Variants in SMYD3 observed in about 807,000 individuals in gnomAD.
SMYD3 encodes SET and MYND domain containing 3, also known as histone-lysine N-methyltransferase SMYD3.
SMYD3 carries 36 observed loss-of-function variants against 57.7 expected under a neutral mutation model. The observed-to-expected ratio is 0.62, with a 90% confidence interval of 0.48 to 0.82. The LOEUF is 0.82. Ranked by LOEUF, SMYD3 falls within the 40% of genes least tolerant of loss-of-function variation. The probability of loss-of-function intolerance (pLI) is 0.00; values close to 1 mark genes in which losing one functional copy is unlikely to be tolerated. For synonymous variants in SMYD3, 211 were observed against 195.0 expected (o/e 1.08, Z -0.68); for missense variants, 515 against 538.8 (o/e 0.96, Z 0.44).
intron 1 of SMYD3, among the ~76,000 whole-genome samples, chr1:246,477,624 T>C (rs930178530): frequency 1.3e-5 from 2 of 152,236 alleles, no homozygotes; most frequent in African/African-American, 4.8e-5. Context: ...AATTACATAG[T>C]TACAGCAATA....
intron 10 of SMYD3, among the ~76,000 whole-genome samples, chr1:245,820,716 T>G (rs1404619871): frequency 6.6e-6 from 1 of 151,828 alleles, no homozygotes; most frequent in African/African-American, 2.4e-5. Flanking sequence ...ACAAAATCAA[T>G]GTACAAAAAT....
intron 10 of SMYD3, chr1:245,789,059 A>G (rs1345957839): frequency 6.6e-6 from 1 of 152,232 alleles, no homozygotes; most frequent in African/African-American, 2.4e-5. Flanking sequence ...GGTGAAGTCA[A>G]GAACTCCTCT....
At chr1:246,140,753 T>C (rs2061740534) in intron 5 of SMYD3, among the ~76,000 whole-genome samples, 1 of 152,076 alleles carries the variant, frequency 6.6e-6, no homozygotes, top group South Asian at 2.1e-4. Flanking sequence ...GTAGGGACTA[T>C]AAGCACATGC....
chr1:246,218,493 C>T (rs894647133), intron 5 of SMYD3, among the ~76,000 whole-genome samples: 2 of 151,964 alleles, frequency 1.3e-5, no homozygotes, highest in South Asian at 2.1e-4. Flanking sequence ...GGGTGGCGGG[C>T]GGCTGTAGTC....
intron 1 of SMYD3, among the ~76,000 whole-genome samples, chr1:246,468,644 A>G (rs1446863838): frequency 5.9e-5 from 9 of 152,084 alleles, no homozygotes; most frequent in Admixed American, 3.9e-4. Flanking sequence ...CTGTCTCCAA[A>G]AAAAGGAAAA....
chr1:245,862,394 A>C (rs1269351096), intron 9 of SMYD3, among the ~76,000 whole-genome samples: 1 of 152,178 alleles, frequency 6.6e-6, no homozygotes, highest in Non-Finnish European at 1.5e-5. Flanking sequence ...ATGCATATTT[A>C]CATATTTGAA....
chr1:246,472,969 T>C lies in SMYD3; in HGVS notation c.164+34085A>G, dbSNP rs1002220198. Among the ~76,000 whole-genome samples, 3 of 150,148 alleles carry C rather than the reference T, an allele frequency of 2.0e-5. No individual in the cohort carries two copies. The East Asian group carries it at 5.9e-4, about 30-fold the overall frequency. On this transcript the variant is annotated intron_variant, in intron 1 of 11. Transcript: ENST00000490107. ...GCCTCCCGGGTTCAAGTGATTCTCC[T>C]GCTCAGCCTCCCAAGTAGCTGGGAT... is the stretch of plus-strand genomic sequence containing the variant.
At chr1:245,804,450 C>T (rs528628011) in intron 10 of SMYD3, among the ~76,000 whole-genome samples, 3 of 152,054 alleles carry the variant, frequency 2.0e-5, no homozygotes, top group Admixed American at 6.5e-5. Flanking sequence ...CCCAGCTACT[C>T]GGGAGGCTGA....
chr1:246,324,126 T>C (rs2065296889), intron 5 of SMYD3, among the ~76,000 whole-genome samples: 1 of 152,096 alleles, frequency 6.6e-6, no homozygotes, highest in Non-Finnish European at 1.5e-5. Context: ...TTAGATGGTC[T>C]AAAACTGGCC....
chr1:246,270,703 A>C (rs1385008545), intron 5 of SMYD3, among the ~76,000 whole-genome samples: 9 of 152,130 alleles, frequency 5.9e-5, no homozygotes, highest in Non-Finnish European at 1.3e-4. Flanking sequence ...TGTATGTACC[A>C]CATTTTGTTT....
intron 5 of SMYD3, among the ~76,000 whole-genome samples, chr1:246,125,772 G>A (rs1305422570): frequency 6.6e-6 from 1 of 152,060 alleles, no homozygotes; most frequent in African/African-American, 2.4e-5. Context: ...CTGAATAACA[G>A]ACAAATATGG....
chr1:246,206,552 G>A (rs2063003322), intron 5 of SMYD3, among the ~76,000 whole-genome samples: 1 of 152,048 alleles, frequency 6.6e-6, no homozygotes, highest in South Asian at 2.1e-4. Context: ...TGAAAAAAAA[G>A]TTACAGTATT....
chr1:246,051,698 T>C (rs1334983423), intron 5 of SMYD3, among the ~76,000 whole-genome samples: 1 of 152,108 alleles, frequency 6.6e-6, no homozygotes, highest in Non-Finnish European at 1.5e-5. Flanking sequence ...TTGACCTAGA[T>C]TATGCCAATT....
chr1:246,214,120 T>C (rs930266024), intron 5 of SMYD3, among the ~76,000 whole-genome samples: 10 of 152,202 alleles, frequency 6.6e-5, no homozygotes, highest in Non-Finnish European at 7.3e-5. Flanking sequence ...AATGGTGGTA[T>C]TGATCTAATG....
Position 246,102,889 on chromosome 1 carries a change from A to G in SMYD3, c.532-172952T>C, listed in dbSNP as rs1339808290. Reference sequence around the variant, plus strand: ...AACAGAAGGGGACCCTGTCTCTATCAAAACAAAAAACAAAAACTATTCTCC... The same window carrying G: ...AACAGAAGGGGACCCTGTCTCTATCGAAACAAAAAACAAAAACTATTCTCC... On this transcript the variant is annotated intron_variant, in intron 5 of 11. Transcript: ENST00000490107. Among the ~76,000 whole-genome samples the G allele has an allele frequency of 2.0e-5, 3 of 152,186 alleles. No homozygotes were observed. The East Asian group carries it at 5.8e-4, about 29-fold the overall frequency.
chr1:246,296,230 C>T (rs978009807), intron 5 of SMYD3, among the ~76,000 whole-genome samples: 18 of 152,162 alleles, frequency 1.2e-4, no homozygotes, highest in Non-Finnish European at 2.2e-4. Context: ...CATGGATTTT[C>T]TCTACAGTTA....
rs565007206 is a variant in SMYD3, at chr1:245,958,036, G to C, written c.532-28099C>G. ...ACTTTGAGAAAAAAAAAGCGGGGGGGAGAAACAAGCGGGTTTTCTATCTGC... is the reference window on the plus strand; with the variant it reads ...ACTTTGAGAAAAAAAAAGCGGGGGGCAGAAACAAGCGGGTTTTCTATCTGC... On this transcript the variant is annotated intron_variant, in intron 5 of 11. Transcript: ENST00000490107. Among the ~76,000 whole-genome samples, 424 of 152,274 alleles carry C rather than the reference G, an allele frequency of 2.8e-3. 1 individual carries two copies. The highest frequency in any genetic ancestry group is 5.3e-3 in the Non-Finnish European group (358 of 68,036).
chr1:246,129,430 A>G (rs963283960), intron 5 of SMYD3, among the ~76,000 whole-genome samples: 1 of 152,100 alleles, frequency 6.6e-6, no homozygotes, highest in African/African-American at 2.4e-5. Flanking sequence ...AGAAATTAAG[A>G]ATAGAGTAAA....
intron 5 of SMYD3, among the ~76,000 whole-genome samples, chr1:246,011,164 T>C (rs2059275057): frequency 6.6e-6 from 1 of 152,174 alleles, no homozygotes; most frequent in African/African-American, 2.4e-5. Context: ...CTCAAAACTT[T>C]TGTGATCTGA....
Sources: allele counts gnomAD v4.1 joint callset (sites outside exome capture counted in the v4.1 genomes callset), GRCh38; gene constraint gnomAD v4.1.1; transcripts MANE v1.5; gene names NCBI Gene and HGNC (gene_info 2026-07-23, HGNC 2026-07-21).